Variants in NR2F1-AS1 observed in about 807,000 individuals in gnomAD.
NR2F1-AS1 encodes NR2F1 antisense RNA 1.
intron 4 of NR2F1-AS1, among the ~76,000 whole-genome samples, chr5:93,517,998 G>A (rs529332431): frequency 3.3e-4 from 50 of 152,116 alleles, no homozygotes; most frequent in African/African-American, 1.2e-3. Context: ...GTCTTGATAT[G>A]TTGCCCAAGC....
chr5:93,579,590 A>C lies in NR2F1-AS1; in HGVS notation n.313+877T>G, dbSNP rs1303563584. On this transcript the variant is annotated intron_variant and non_coding_transcript_variant, in intron 1 of 5. Coordinates refer to ENST00000660523, the Ensembl canonical transcript of NR2F1-AS1. The surrounding 1 kb of genome is among the most constrained non-coding windows in gnomAD (Gnocchi z 5.1). The stretch of plus-strand genomic sequence containing the variant: ...TAGGCAAGGCCTCCTCGCTTCCGAG[A>C]CCCCCCAGCCCCCGGGTGCAGTCCC... 6.6e-6 allele frequency among the ~76,000 whole-genome samples: 1 copy of C among 151,348 alleles called. No individual in the cohort carries two copies. The highest frequency in any genetic ancestry group is 2.1e-4 in the South Asian group (1 of 4,784).
chr5:93,514,036 T>C (rs1201850241), intron 4 of NR2F1-AS1, among the ~76,000 whole-genome samples: 1 of 151,990 alleles, frequency 6.6e-6, no homozygotes, highest in Non-Finnish European at 1.5e-5. Context: ...TAAACCAGGA[T>C]TTGATAGATA....
chr5:93,448,454 C>T (rs1029170700), intron 4 of NR2F1-AS1, among the ~76,000 whole-genome samples: 3 of 152,184 alleles, frequency 2.0e-5, no homozygotes, highest in Non-Finnish European at 2.9e-5. Flanking sequence ...GGTCTCGTGG[C>T]TCTTTCTCCT....
At chr5:93,412,005 G>C (rs1473798252) in intron 4 of NR2F1-AS1, among the ~76,000 whole-genome samples, 1 of 152,168 alleles carries the variant, frequency 6.6e-6, no homozygotes, top group Non-Finnish European at 1.5e-5. Context: ...GAACTAGCCA[G>C]GTGGGTCAAA....
chr5:93,511,067 T>C (rs1470007075), intron 4 of NR2F1-AS1, among the ~76,000 whole-genome samples: 3 of 152,182 alleles, frequency 2.0e-5, no homozygotes, highest in Non-Finnish European at 1.5e-5. Context: ...ATTCATGTGA[T>C]GCTTAATTTT....
At chr5:93,448,767 T>G (rs1749769957) in intron 4 of NR2F1-AS1, among the ~76,000 whole-genome samples, 1 of 152,142 alleles carries the variant, frequency 6.6e-6, no homozygotes, top group Non-Finnish European at 1.5e-5. Flanking sequence ...GCCTTTTTGT[T>G]CTATTGAGGT....
rs903568199 is a variant in NR2F1-AS1, at chr5:93,472,144, C to G, written n.639-76602G>C. 9.9e-5 allele frequency among the ~76,000 whole-genome samples: 15 copies of G among 151,796 alleles called. 1 individual carries two copies. Among genetic ancestry groups the G allele is most frequent in the Admixed American group, 7.9e-4 (12 of 15,224 alleles). On this transcript the variant is annotated intron_variant and non_coding_transcript_variant, in intron 4 of 5. Transcript: ENST00000660523. ...TAGTGTTGCTATAATTTGAACCCAGCCTTTTCATATGCAGAATCCTTAATG... is the reference window on the plus strand; with the variant it reads ...TAGTGTTGCTATAATTTGAACCCAGGCTTTTCATATGCAGAATCCTTAATG...
chr5:93,561,228 G>A (rs1030804460), intron 2 of NR2F1-AS1, among the ~76,000 whole-genome samples: 4 of 151,230 alleles, frequency 2.6e-5, no homozygotes, highest in Non-Finnish European at 5.9e-5. Flanking sequence ...AGCCGAGATC[G>A]CACAGGCAAC....
At chr5:93,447,676 A>G (rs2149855871) in intron 4 of NR2F1-AS1, among the ~76,000 whole-genome samples, 1 of 152,328 alleles carries the variant, frequency 6.6e-6, no homozygotes. Context: ...AACTAGATAT[A>G]CCATTTGACC....
chr5:93,556,206 T>C (rs1374857090), intron 2 of NR2F1-AS1, among the ~76,000 whole-genome samples: 3 of 152,156 alleles, frequency 2.0e-5, no homozygotes, highest in Non-Finnish European at 2.9e-5. Context: ...CAAACACGCA[T>C]TACCTGCTCC....
intron 4 of NR2F1-AS1, among the ~76,000 whole-genome samples, chr5:93,472,751 A>G (rs1679990528): frequency 6.6e-6 from 1 of 151,896 alleles, no homozygotes; most frequent in South Asian, 2.1e-4. Context: ...AATGGATAAA[A>G]TAATTAAGAA....
At chr5:93,446,402 CAAT>C (rs1239776623) in intron 4 of NR2F1-AS1, among the ~76,000 whole-genome samples, 2 of 152,120 alleles carry the variant, frequency 1.3e-5, no homozygotes, top group African/African-American at 4.8e-5. Context: ...TCCTATACAC[CAAT>C]AACAGACAAA....
chr5:93,499,692 G>A (rs1166091270), intron 4 of NR2F1-AS1, among the ~76,000 whole-genome samples: 2 of 152,250 alleles, frequency 1.3e-5, no homozygotes, highest in South Asian at 4.1e-4. Flanking sequence ...GTGAAAGGAA[G>A]AGTCTCACAT....
chr5:93,522,367 A>T (rs1037809877), intron 4 of NR2F1-AS1, among the ~76,000 whole-genome samples: 8 of 152,250 alleles, frequency 5.3e-5, no homozygotes, highest in African/African-American at 1.7e-4. Context: ...GTTACTTTAA[A>T]AAAAGAGTCA....
At chr5:93,470,305 GAGCATA>G (rs1750339462) in intron 4 of NR2F1-AS1, among the ~76,000 whole-genome samples, 2 of 151,772 alleles carry the variant, frequency 1.3e-5, no homozygotes, top group Admixed American at 1.3e-4. Flanking sequence ...GTTAGTTTGA[GAGCATA>G]TGACCTTGTT....
chr5:93,413,042 C>T (rs189241158), intron 4 of NR2F1-AS1, among the ~76,000 whole-genome samples: 60 of 148,518 alleles, frequency 4.0e-4, no homozygotes, highest in African/African-American at 1.4e-3. Context: ...CTCACCCAGC[C>T]TAGACAAATT....
chr5:93,500,646 T>TC (rs1345129380), intron 4 of NR2F1-AS1, among the ~76,000 whole-genome samples: 3 of 152,178 alleles, frequency 2.0e-5, no homozygotes, highest in African/African-American at 7.2e-5. Flanking sequence ...TTACTAAATT[T>TC]TTTTTTCTTG....
chr5:93,505,905 C>A (rs1344620099), intron 4 of NR2F1-AS1, among the ~76,000 whole-genome samples: 3 of 152,174 alleles, frequency 2.0e-5, no homozygotes, highest in Non-Finnish European at 4.4e-5. Flanking sequence ...AGGCTCCTTG[C>A]TACTTATGCA....
intron 4 of NR2F1-AS1, among the ~76,000 whole-genome samples, chr5:93,510,510 C>A (rs1041402095): frequency 6.6e-6 from 1 of 152,066 alleles, no homozygotes; most frequent in Non-Finnish European, 1.5e-5. Flanking sequence ...ATCCATGGTT[C>A]TCAAAGAACC....
Sources: gnomAD v4.1 joint callset for allele counts (sites outside exome capture counted in the v4.1 genomes callset) on GRCh38, gnomAD v4.1.1 for gene constraint, Gnocchi (gnomAD v3.1) non-coding constraint, MANE v1.5 for transcripts, NCBI Gene and HGNC (gene_info 2026-07-23, HGNC 2026-07-21) for gene names.